The following ARF1 variants were observed in gnomAD, a reference collection of about 807,000 sequenced individuals.
ARF1 encodes the protein ADP-ribosylation factor 1.
Under a neutral mutation model 18.0 loss-of-function variants are expected in ARF1, and 1 was observed. The observed-to-expected ratio is 0.06, with a 90% confidence interval of 0.02 to 0.26. The LOEUF (loss-of-function observed/expected upper bound fraction) is 0.26, where lower values mean the gene tolerates loss of function less well. Ranked by LOEUF, ARF1 falls within the 10% of genes least tolerant of loss-of-function variation. The pLI is 1.00. For synonymous variants in ARF1, 112 were observed against 96.3 expected (o/e 1.16, Z -0.95); for missense variants, 73 against 247.2 (o/e 0.30, Z 4.73).
chr1:228,097,875 G>A lies in ARF1; in HGVS notation c.408G>A (p.Ala136=), dbSNP rs751547585. The change falls in exon 5 of 5, where the codon GCG becomes GCA. Residue 136 remains alanine (A), a synonymous_variant. Coordinates refer to ENST00000272102, the MANE Select transcript of ARF1 (RefSeq NM_001658.4). This position sits in a 1 kb window ranked among gnomAD's most constrained non-coding sequence, Gnocchi z 8.1. The part of the protein sequence containing the change: ...NKQDLPNAMN[A]AEITDKLGLH... Reference sequence around the variant, plus strand: ...AGGACCTCCCCAACGCCATGAATGCGGCCGAGATCACAGACAAGCTGGGGC... The same window carrying A: ...AGGACCTCCCCAACGCCATGAATGCAGCCGAGATCACAGACAAGCTGGGGC... The A allele has an allele frequency of 2.5e-5, 40 of 1,614,006 alleles. No individual in the cohort carries two copies. The highest frequency in any genetic ancestry group is 1.7e-4 in the Middle Eastern group (1 of 6,060).
At chr1:228,091,257 T>C (rs1347917068) in intron 1 of ARF1, among the ~76,000 whole-genome samples, 1 of 152,200 alleles carries the variant, frequency 6.6e-6, no homozygotes, top group Non-Finnish European at 1.5e-5. Flanking sequence ...TGATCTAAAC[T>C]GAATTTCACT....
At chr1:228,091,002 T>TA (rs960959443) in intron 1 of ARF1, 9 of 152,358 alleles carry the variant, frequency 5.9e-5, no homozygotes, top group South Asian at 4.1e-4. Flanking sequence ...CAGAAGGACT[T>TA]ACGTTTGGTG....
At chr1:228,090,149 C>T (rs1222026882) in intron 1 of ARF1, among the ~76,000 whole-genome samples, 1 of 152,232 alleles carries the variant, frequency 6.6e-6, no homozygotes, top group African/African-American at 2.4e-5. Flanking sequence ...TGCCATCGCA[C>T]AGTCATTCGC....
At position 228,089,190 on chromosome 1, in the gene ARF1, G is replaced by A. The variant is rs1373194214; in HGVS notation, c.-38+6425G>A. Among the ~76,000 whole-genome samples the A allele has an allele frequency of 2.6e-5, 4 of 152,204 alleles. No individual in the cohort carries two copies. Among genetic ancestry groups the A allele is most frequent in the African/African-American group, 4.8e-5 (2 of 41,448 alleles). On this transcript the variant is annotated intron_variant, in intron 1 of 4. Transcript: ENST00000272102. This position sits in a 1 kb window ranked among gnomAD's most constrained non-coding sequence, Gnocchi z 4.1. ...AAGTCTTGAAGAGAAATGTGGGGTC[G>A]TTGTGTAGGGGCCACCATCACCTGG...
chr1:228,084,404 C>G (rs897132002), intron 1 of ARF1, among the ~76,000 whole-genome samples: 2 of 152,146 alleles, frequency 1.3e-5, no homozygotes, highest in Non-Finnish European at 2.9e-5. Context: ...AAAATAAATC[C>G]AAATCACTGC....
In ARF1 at chr1:228,098,270, A is replaced by T. The variant is rs2032821199; in HGVS notation, c.*257A>T. 2 of 376,822 alleles carry T rather than the reference A, an allele frequency of 5.3e-6. No homozygotes were observed. The highest frequency in any genetic ancestry group is 4.9e-5 in the South Asian group (1 of 20,212). The allele number at this position is 376,822 out of a possible 1,614,324, so 23.3% of individuals were successfully genotyped here. ...TTTTTTTATTGTAAAAAGAAAAATCAACTCACTGTTCAGTGCTGAGAGGGG... is the reference window on the plus strand; with the variant it reads ...TTTTTTTATTGTAAAAAGAAAAATCTACTCACTGTTCAGTGCTGAGAGGGG... On this transcript the variant is annotated 3_prime_UTR_variant, in exon 5 of 5. Coordinates refer to ENST00000272102, the MANE Select transcript of ARF1 (RefSeq NM_001658.4).
chr1:228,087,960 A>T (rs822728), intron 1 of ARF1, among the ~76,000 whole-genome samples: 1 of 152,152 alleles, frequency 6.6e-6, no homozygotes, highest in African/African-American at 2.4e-5. Context: ...CATGAGCCCT[A>T]TGGGCCTGAT....
intron 1 of ARF1, among the ~76,000 whole-genome samples, chr1:228,084,202 C>A (rs2032318381): frequency 6.6e-6 from 1 of 152,216 alleles, no homozygotes; most frequent in Admixed American, 6.5e-5. Context: ...TTCACCAGCA[C>A]TGCCTAGGTA....
intron 1 of ARF1, among the ~76,000 whole-genome samples, chr1:228,096,238 G>A (rs1040562564): frequency 6.6e-6 from 1 of 152,244 alleles, no homozygotes; most frequent in Admixed American, 6.5e-5. Context: ...ATGAGGGGTG[G>A]GTGTGCTCAC....
At chr1:228,087,654 T>C (rs993605410) in intron 1 of ARF1, among the ~76,000 whole-genome samples, 3 of 152,114 alleles carry the variant, frequency 2.0e-5, no homozygotes, top group African/African-American at 7.2e-5. Context: ...TAAAAAAATT[T>C]ATACCTACTC....
At chr1:228,083,957 T>C (rs930368087) in intron 1 of ARF1, among the ~76,000 whole-genome samples, 2 of 152,218 alleles carry the variant, frequency 1.3e-5, no homozygotes, top group African/African-American at 4.8e-5. Context: ...GTAGAGTTGG[T>C]GCCACTGCCC....
At chr1:228,094,263 C>G (rs2032664476) in intron 1 of ARF1, among the ~76,000 whole-genome samples, 1 of 152,144 alleles carries the variant, frequency 6.6e-6, no homozygotes, top group Non-Finnish European at 1.5e-5. Flanking sequence ...TTCCTGAGTC[C>G]CTGCTGACTT....
chr1:228,097,929 C>T lies in ARF1; in HGVS notation c.462C>T (p.Tyr154=), dbSNP rs2032806102. The T allele has an allele frequency of 1.2e-6, 2 of 1,614,200 alleles. No individual in the cohort carries two copies. The highest frequency in any genetic ancestry group is 2.2e-5 in the East Asian group (1 of 44,878). The stretch of plus-strand genomic sequence containing the variant: ...ACTCACTACGCCACAGGAACTGGTA[C>T]ATTCAGGCCACCTGCGCCACCAGCG... The part of the protein sequence containing the change: ...GLHSLRHRNW[Y]IQATCATSGD... The change falls in exon 5 of 5, where the codon TAC becomes TAT. Residue 154 remains tyrosine (Y), a synonymous_variant. Coordinates refer to ENST00000272102, the MANE Select transcript of ARF1 (RefSeq NM_001658.4). This position sits in a 1 kb window ranked among gnomAD's most constrained non-coding sequence, Gnocchi z 8.1.
chr1:228,097,602 G>A lies in ARF1; in HGVS notation c.271G>A (p.Val91Met). The change falls in exon 4 of 5, where the codon GTG (valine) becomes ATG (methionine). Residue 91 changes from valine to methionine, a missense_variant. This residue lies in a region of ARF1 where 48 missense variants were observed against 144.7 expected (regional missense o/e 0.33). Transcript: ENST00000272102. This position sits in a 1 kb window ranked among gnomAD's most constrained non-coding sequence, Gnocchi z 8.1. ...TGGCTGCCCGGCAGGCCTGATCTTC[G>A]TGGTGGACAGCAATGACAGAGAGCG... ...YFQNTQGLIF[V>M]VDSNDRERVN... 1.2e-6 allele frequency: 2 copies of A among 1,614,178 alleles called. No homozygotes were observed. Among genetic ancestry groups the A allele is most frequent in the Non-Finnish European group, 8.5e-7 (1 of 1,180,020 alleles).
chr1:228,091,315 A>C (rs1222827822), intron 1 of ARF1, among the ~76,000 whole-genome samples: 1 of 152,060 alleles, frequency 6.6e-6, no homozygotes, highest in Non-Finnish European at 1.5e-5. Context: ...CCCTCCCTTA[A>C]CTCAAGGCCA....
rs2124846833 is a variant in ARF1, at chr1:228,089,502, C to A, written c.-38+6737C>A. ...CATTGTTGCACTTCGCTTTTGATTTCTCTGGAAGAGCAAGTCTTTGTGTGG... is the reference window on the plus strand; with the variant it reads ...CATTGTTGCACTTCGCTTTTGATTTATCTGGAAGAGCAAGTCTTTGTGTGG... On this transcript the variant is annotated intron_variant, in intron 1 of 4. Coordinates refer to ENST00000272102, the MANE Select transcript of ARF1 (RefSeq NM_001658.4). This position sits in a 1 kb window ranked among gnomAD's most constrained non-coding sequence, Gnocchi z 4.1. Among the ~76,000 whole-genome samples the A allele has an allele frequency of 6.6e-6, 1 of 152,332 alleles. No individual in the cohort carries two copies. The highest frequency in any genetic ancestry group is 2.1e-4 in the South Asian group (1 of 4,834).
rs767722916 is a variant in ARF1 at position 228,098,950 on chromosome 1, C to T, written c.*937C>T. ...CTCTGTGTGTGATGTAGCTTTCTCT[C>T]CCTCAGCCTGCAAGGGTCCGATTTG... On this transcript the variant is annotated 3_prime_UTR_variant, in exon 5 of 5. Coordinates refer to ENST00000272102, the MANE Select transcript of ARF1 (RefSeq NM_001658.4). 2 of 152,628 alleles carry T rather than the reference C, an allele frequency of 1.3e-5. No individual in the cohort carries two copies. Among genetic ancestry groups the T allele is most frequent in the Admixed American group, 6.5e-5 (1 of 15,286 alleles). 9.5% of individuals were successfully genotyped at this position (152,628 alleles called of 1,614,324 possible).
At chr1:228,088,950 G>A (rs913148256) in intron 1 of ARF1, among the ~76,000 whole-genome samples, 7 of 152,314 alleles carry the variant, frequency 4.6e-5, no homozygotes, top group African/African-American at 1.7e-4. Context: ...GGACCTGATC[G>A]GGCGGCAGCC....
chr1:228,083,782 TTAAA>T (rs1242149179), intron 1 of ARF1, among the ~76,000 whole-genome samples: 2 of 152,146 alleles, frequency 1.3e-5, no homozygotes, highest in East Asian at 3.9e-4. Flanking sequence ...ACCTAGAGTG[TTAAA>T]TAACCATTCC....
Sources: gnomAD v4.1 joint callset for allele counts (sites outside exome capture counted in the v4.1 genomes callset) on GRCh38, gnomAD v4.1.1 for gene constraint, gnomAD v4.1.1 regional missense constraint, Gnocchi (gnomAD v3.1) non-coding constraint, MANE v1.5 for transcripts, NCBI Gene and HGNC (gene_info 2026-07-23, HGNC 2026-07-21) for gene names.